LRRC4C: variants seen among roughly 807,000 people sequenced by gnomAD.
LRRC4C encodes leucine-rich repeat-containing protein 4C.
Under a neutral mutation model 33.6 loss-of-function variants are expected in LRRC4C, and 5 were observed. The ratio of observed to expected loss-of-function variants is 0.15; its 90% CI spans 0.08 to 0.31. LRRC4C has a LOEUF of 0.31. Ranked by LOEUF, LRRC4C falls within the 10% of genes least tolerant of loss-of-function variation. The probability of loss-of-function intolerance (pLI) is 1.00; values close to 1 mark genes in which losing one functional copy is unlikely to be tolerated. For missense variants in LRRC4C, 560 were observed against 796.7 expected (o/e 0.70, Z 3.58); for synonymous variants, 329 against 302.0 (o/e 1.09, Z -0.93).
intron 3 of LRRC4C, among the ~76,000 whole-genome samples, chr11:40,559,181 C>CTTT (rs71060968): frequency 8.0e-6 from 1 of 124,646 alleles, no homozygotes; most frequent in Non-Finnish European, 1.7e-5. Flanking sequence ...TTGCATGCGT[C>CTTT]TTTTTTTTTT....
chr11:40,141,039 C>T (rs1291717102), intron 5 of LRRC4C, among the ~76,000 whole-genome samples, 186 bp from the exon 6 acceptor site: 1 of 151,978 alleles, frequency 6.6e-6, no homozygotes, highest in African/African-American at 2.4e-5. Flanking sequence ...AACTACTGGC[C>T]ATTTTGAACA....
chr11:40,247,389 T>C (rs1356025218), intron 4 of LRRC4C, among the ~76,000 whole-genome samples: 1 of 152,194 alleles, frequency 6.6e-6, no homozygotes, highest in Non-Finnish European at 1.5e-5. Flanking sequence ...ACCATGGGTC[T>C]TTAAACAAAC....
chr11:40,541,277 G>A (rs1956697138), intron 3 of LRRC4C, among the ~76,000 whole-genome samples: 1 of 151,988 alleles, frequency 6.6e-6, no homozygotes, highest in Non-Finnish European at 1.5e-5. Flanking sequence ...AAACTCCTGG[G>A]CTCAAGTGAT....
At chr11:41,412,714 T>G (rs1228124648) in intron 1 of LRRC4C, among the ~76,000 whole-genome samples, 1 of 152,130 alleles carries the variant, frequency 6.6e-6, no homozygotes, top group African/African-American at 2.4e-5. Flanking sequence ...GGCTATTTAG[T>G]TTTTAGAACT....
chr11:41,090,755 A>T (rs949511145), intron 1 of LRRC4C, among the ~76,000 whole-genome samples: 16 of 152,104 alleles, frequency 1.1e-4, no homozygotes, highest in Admixed American at 8.5e-4. Flanking sequence ...GTGAGTTCTC[A>T]AAAGATCTGA....
intron 3 of LRRC4C, among the ~76,000 whole-genome samples, chr11:40,529,015 G>C (rs1956170002): frequency 6.6e-6 from 1 of 152,012 alleles, no homozygotes; most frequent in Admixed American, 6.6e-5. Context: ...CTGTTCAATT[G>C]GTATAAGGTT....
At chr11:40,127,077 G>C (rs1012803439) in intron 6 of LRRC4C, among the ~76,000 whole-genome samples, 16 of 152,072 alleles carry the variant, frequency 1.1e-4, no homozygotes, top group Middle Eastern at 3.4e-3. Flanking sequence ...AAGAGATCGA[G>C]ACCATCCTGG....
At chr11:40,564,890 C>T in intron 3 of LRRC4C, among the ~76,000 whole-genome samples, 1 of 152,104 alleles carries the variant, frequency 6.6e-6, no homozygotes, top group East Asian at 1.9e-4. Flanking sequence ...CATGGAGAAC[C>T]ATGTAAGAAA....
intron 1 of LRRC4C, among the ~76,000 whole-genome samples, chr11:41,344,422 G>T (rs539107625): frequency 3.0e-4 from 46 of 152,010 alleles, no homozygotes; most frequent in African/African-American, 1.1e-3. Flanking sequence ...GTGTTTCACC[G>T]TGTTAGCCAG....
At chr11:40,928,845 C>T (rs1957497484) in intron 2 of LRRC4C, among the ~76,000 whole-genome samples, 4 of 152,180 alleles carry the variant, frequency 2.6e-5, no homozygotes, top group Admixed American at 6.5e-5. Context: ...TAGGCTTATA[C>T]CATTTTTTCT....
intron 3 of LRRC4C, among the ~76,000 whole-genome samples, chr11:40,418,021 G>A (rs1000183011): frequency 6.7e-6 from 1 of 149,382 alleles, no homozygotes; most frequent in African/African-American, 2.4e-5. Context: ...CTTTCCCTTG[G>A]TGAAAGAGCA....
At chr11:41,130,294 A>G (rs1942951392) in intron 1 of LRRC4C, among the ~76,000 whole-genome samples, 1 of 151,914 alleles carries the variant, frequency 6.6e-6, no homozygotes, top group Non-Finnish European at 1.5e-5. Flanking sequence ...CCTCATTCTG[A>G]GTGTCAATAA....
intron 1 of LRRC4C, among the ~76,000 whole-genome samples, chr11:41,305,919 AAAAT>A (rs1163329624): frequency 3.1e-5 from 3 of 95,762 alleles, no homozygotes; most frequent in Non-Finnish European, 7.4e-5. Flanking sequence ...AAATTAAAAA[AAAAT>A]AATAAAATAA....
At chr11:40,295,830 T>C (rs1041600724) in intron 4 of LRRC4C, among the ~76,000 whole-genome samples, 3 of 152,238 alleles carry the variant, frequency 2.0e-5, no homozygotes, top group Admixed American at 1.3e-4. Flanking sequence ...GCTGTATTGA[T>C]TGATTCAAAA....
intron 5 of LRRC4C, among the ~76,000 whole-genome samples, chr11:40,188,450 A>G (rs1861579379): frequency 6.6e-6 from 1 of 152,234 alleles, no homozygotes; most frequent in Non-Finnish European, 1.5e-5. Flanking sequence ...CAAAAATACA[A>G]AAAGAAATGC....
intron 2 of LRRC4C, among the ~76,000 whole-genome samples, chr11:40,868,707 C>A (rs1591944169): frequency 6.6e-6 from 1 of 152,130 alleles, no homozygotes; most frequent in Admixed American, 6.6e-5. Context: ...GATTACTTCT[C>A]TGCTTTGTAA....
chr11:40,260,882 C>CT (rs1352693529), intron 4 of LRRC4C, among the ~76,000 whole-genome samples: 1 of 151,972 alleles, frequency 6.6e-6, no homozygotes. Context: ...ACAAAAAATT[C>CT]TTTTTTTATT....
intron 2 of LRRC4C, among the ~76,000 whole-genome samples, chr11:40,840,925 C>A (rs894867279): frequency 1.3e-5 from 2 of 152,152 alleles, no homozygotes; most frequent in Non-Finnish European, 2.9e-5. Context: ...ATCAACCTCT[C>A]TTGTTAATTA....
intron 3 of LRRC4C, among the ~76,000 whole-genome samples, chr11:40,509,151 C>G (rs1319643800): frequency 6.6e-6 from 1 of 152,000 alleles, no homozygotes; most frequent in East Asian, 1.9e-4. Flanking sequence ...GATATAATAG[C>G]CAACAATAGG....
Sources: gnomAD v4.1 joint callset for allele counts (sites outside exome capture counted in the v4.1 genomes callset) on GRCh38, gnomAD v4.1.1 for gene constraint, MANE v1.5 for transcripts, NCBI Gene and HGNC (gene_info 2026-07-23, HGNC 2026-07-21) for gene names.